Variants in RPGRIP1L observed in about 807,000 individuals in gnomAD.
The protein encoded by RPGRIP1L is protein fantom.
RPGRIP1L carries 131 observed loss-of-function variants against 160.4 expected under a neutral mutation model. The ratio of observed to expected loss-of-function variants is 0.82; its 90% CI spans 0.71 to 0.94. The LOEUF is 0.94. Among genes scored for constraint, RPGRIP1L ranks in the 40% least tolerant of loss-of-function variants. The probability of loss-of-function intolerance (pLI) is 0.00; values close to 1 mark genes in which losing one functional copy is unlikely to be tolerated. For missense variants in RPGRIP1L, 1,522 were observed against 1,535.8 expected (o/e 0.99, Z 0.15); for synonymous variants, 510 against 515.8 (o/e 0.99, Z 0.15).
intron 25 of RPGRIP1L, among the ~76,000 whole-genome samples, chr16:53,607,190 T>C (rs1963743076): frequency 6.6e-6 from 1 of 152,200 alleles, no homozygotes; most frequent in Admixed American, 6.5e-5. Context: ...TGGGGATAAT[T>C]ATACTTATCT....
rs74810239 is a variant in RPGRIP1L at position 53,637,597 on chromosome 16, C to T, written c.3220+98G>A. 562 of 1,068,198 alleles carry T rather than the reference C, an allele frequency of 5.3e-4. No individual in the cohort carries two copies. The East Asian group carries it at 6.2e-3, about 12-fold the overall frequency. The allele number at this position is 1,068,198 out of a possible 1,614,324, so 66.2% of individuals were successfully genotyped here. On this transcript the variant is annotated intron_variant, in intron 21 of 26. Coordinates refer to ENST00000647211, the MANE Select transcript of RPGRIP1L (RefSeq NM_015272.5). Reference sequence around the variant, plus strand: ...CAAGAAACAGGTATCGTGAAGTAGACGCTACCATTAAATGAAGATGTTCTA... The same window carrying T: ...CAAGAAACAGGTATCGTGAAGTAGATGCTACCATTAAATGAAGATGTTCTA...
intron 22 of RPGRIP1L, among the ~76,000 whole-genome samples, chr16:53,624,754 T>TGCCC (rs1964967299): frequency 9.1e-6 from 1 of 109,734 alleles, no homozygotes; most frequent in Non-Finnish European, 2.0e-5. Flanking sequence ...TGGGAGTCCC[T>TGCCC]CCCCCTCCCC....
chr16:53,648,819 C>T (rs1768254016), intron 16 of RPGRIP1L, 145 bp downstream of exon 16: 7 of 729,946 alleles, frequency 9.6e-6, no homozygotes. Flanking sequence ...TTACCACTTC[C>T]TGTGAGTATA....
chr16:53,631,364 A>T (rs1395557709), intron 22 of RPGRIP1L, among the ~76,000 whole-genome samples: 1 of 152,200 alleles, frequency 6.6e-6, no homozygotes, highest in East Asian at 1.9e-4. Flanking sequence ...ACAGAGAAAG[A>T]GAATGATGTA....
chr16:53,671,427 T>C, intron 9 of RPGRIP1L, 83 bp downstream of exon 9: 5 of 844,106 alleles, frequency 5.9e-6, no homozygotes, highest in South Asian at 4.4e-5. Flanking sequence ...TTGATCAACA[T>C]GATCTATTCT....
chr16:53,658,901 T>G, intron 10 of RPGRIP1L, 23 bp from the exon 11 acceptor site: 5 of 1,431,822 alleles, frequency 3.5e-6, no homozygotes, highest in Non-Finnish European at 4.9e-6. Flanking sequence ...GTCCACACAA[T>G]TGGAAAGGTA....
intron 6 of RPGRIP1L, among the ~76,000 whole-genome samples, chr16:53,676,632 T>A (rs1406925357): frequency 2.0e-5 from 3 of 151,980 alleles, no homozygotes; most frequent in African/African-American, 7.2e-5. Context: ...GTATGATAAT[T>A]TATTTATTTA....
At chr16:53,683,517 G>C (rs1969758046) in intron 6 of RPGRIP1L, among the ~76,000 whole-genome samples, 1 of 152,046 alleles carries the variant, frequency 6.6e-6, no homozygotes, top group Non-Finnish European at 1.5e-5. Context: ...GACAGAAATA[G>C]AGGTTGAAGT....
intron 10 of RPGRIP1L, 110 bp downstream of exon 10, chr16:53,664,756 TCATA>T (rs757558501): frequency 2.0e-5 from 23 of 1,168,546 alleles, no homozygotes; most frequent in Non-Finnish European, 2.8e-5. Context: ...TGTCTGTCCC[TCATA>T]CATTGCGGGG....
At chr16:53,656,904 G>C (rs1443098475) in intron 13 of RPGRIP1L, among the ~76,000 whole-genome samples, 2 of 152,190 alleles carry the variant, frequency 1.3e-5, no homozygotes, top group Non-Finnish European at 2.9e-5. Flanking sequence ...TAACAAAGGT[G>C]ATTTCATTGC....
At chr16:53,610,212 C>T (rs557865452) in intron 25 of RPGRIP1L, among the ~76,000 whole-genome samples, 1 of 152,102 alleles carries the variant, frequency 6.6e-6, no homozygotes, top group East Asian at 1.9e-4. Flanking sequence ...GAAGCACTAA[C>T]TTTTTAAGAT....
chr16:53,639,350 A>G (rs552110215), intron 19 of RPGRIP1L, among the ~76,000 whole-genome samples: 1 of 152,170 alleles, frequency 6.6e-6, no homozygotes, highest in South Asian at 2.1e-4. Flanking sequence ...TTACACAATA[A>G]TAACTGCATT....
intron 6 of RPGRIP1L, among the ~76,000 whole-genome samples, chr16:53,680,442 C>T (rs918841000): frequency 6.6e-6 from 1 of 151,836 alleles, no homozygotes; most frequent in Non-Finnish European, 1.5e-5. Context: ...TGTCAATGGG[C>T]TATAAAAGAG....
Position 53,662,268 on chromosome 16 carries a change from T to C in RPGRIP1L, c.1243+2602A>G, listed in dbSNP as rs1203088121. ...GTGATCAATATAACCATATGCATTA[T>C]GCTGAATTATGCATTTCAGCTAAAG... On this transcript the variant is annotated intron_variant, in intron 10 of 26. Transcript: ENST00000647211. Among the ~76,000 whole-genome samples, 5 of 152,192 alleles carry C rather than the reference T, an allele frequency of 3.3e-5. No individual in the cohort carries two copies. In the East Asian group the frequency reaches 5.8e-4, roughly 18 times the overall value.
At chr16:53,698,410 T>A (rs1478226057) in intron 2 of RPGRIP1L, among the ~76,000 whole-genome samples, 19 of 135,204 alleles carry the variant, frequency 1.4e-4, no homozygotes, top group Non-Finnish European at 3.0e-4. Context: ...GTCTGGGAGA[T>A]GAGGGGCGCC....
intron 6 of RPGRIP1L, among the ~76,000 whole-genome samples, chr16:53,676,270 A>G (rs1969155457): frequency 6.6e-6 from 1 of 152,168 alleles, no homozygotes; most frequent in Non-Finnish European, 1.5e-5. Flanking sequence ...CCCAGGGTAC[A>G]GTCTTAACAC....
In RPGRIP1L at chr16:53,652,559, T is replaced by C. The variant is rs1217480617; in HGVS notation, c.2128A>G (p.Ile710Val). Residue 710 changes from isoleucine to valine, a missense_variant, in exon 15 of 27, where the codon ATA becomes GTA. Ile to Val is a conservative substitution (Grantham distance 29). Coordinates refer to ENST00000647211, the MANE Select transcript of RPGRIP1L (RefSeq NM_015272.5). The part of the protein sequence containing the change: ...FHEILEKSGR[I>V]FCTASLIGTK... ...CCAATCAAACTTGCTGTACAAAATA[T>C]TCGGCCGCTTTTTTCAAGAATTTCG... The C allele has an allele frequency of 6.2e-7, 1 of 1,613,982 alleles. No homozygotes were observed. Among genetic ancestry groups the C allele is most frequent in the Non-Finnish European group, 8.5e-7 (1 of 1,179,908 alleles).
At chr16:53,602,292 A>C in intron 26 of RPGRIP1L, 104 bp from the exon 27 acceptor site, 3 of 768,384 alleles carry the variant, frequency 3.9e-6, no homozygotes, top group Non-Finnish European at 4.6e-6. Context: ...ATAGTTCTAC[A>C]GAAGTCCAAA....
chr16:53,692,681 T>A (rs889776693), intron 3 of RPGRIP1L, among the ~76,000 whole-genome samples: 8 of 152,254 alleles, frequency 5.3e-5, no homozygotes, highest in African/African-American at 1.9e-4. Flanking sequence ...AGGAATGCTG[T>A]ACGCACTTAA....
Sources: allele counts gnomAD v4.1 joint callset (sites outside exome capture counted in the v4.1 genomes callset), GRCh38; gene constraint gnomAD v4.1.1; transcripts MANE v1.5; gene names NCBI Gene and HGNC (gene_info 2026-07-23, HGNC 2026-07-21).